Variants in MCPH1 observed in about 807,000 individuals in gnomAD.
The protein encoded by MCPH1 is microcephalin.
MCPH1 carries 104 observed loss-of-function variants against 84.5 expected under a neutral mutation model. The observed-to-expected ratio is 1.23, with a 90% CI of 1.05 to 1.45. The LOEUF is 1.45. Among genes scored for constraint, MCPH1 ranks in the 40% most tolerant of loss-of-function variants. MCPH1 has a pLI of 0.00. For synonymous variants in MCPH1, 514 were observed against 366.8 expected, an observed-to-expected ratio of 1.40 and a Z score of -4.58; for missense variants, 1,498 against 1,005.7, an observed-to-expected ratio of 1.49 and a Z score of -6.62.
chr8:6,558,470 C>T (rs548840978), intron 12 of MCPH1, among the ~76,000 whole-genome samples: 3 of 152,236 alleles, frequency 2.0e-5, no homozygotes, highest in African/African-American at 7.2e-5. Flanking sequence ...AAAATAAGCA[C>T]CCCAGACCAT....
At chr8:6,583,630 G>C (rs1037516730) in intron 12 of MCPH1, among the ~76,000 whole-genome samples, 1 of 152,186 alleles carries the variant, frequency 6.6e-6, no homozygotes, top group Non-Finnish European at 1.5e-5. Context: ...CAAGGGAGGA[G>C]CTGGCCTGGA....
At chr8:6,537,283 C>T (rs1005095991) in intron 12 of MCPH1, among the ~76,000 whole-genome samples, 2 of 151,994 alleles carry the variant, frequency 1.3e-5, no homozygotes, top group African/African-American at 4.8e-5. Context: ...TATATGTGTG[C>T]GAGGACAGTG....
chr8:6,438,108 C>G (rs1802946680), intron 5 of MCPH1, among the ~76,000 whole-genome samples: 2 of 152,216 alleles, frequency 1.3e-5, no homozygotes, highest in Admixed American at 1.3e-4. Flanking sequence ...ATTGCACACT[C>G]TCCTATAATT....
rs187653817 is a variant in MCPH1, at chr8:6,635,992, G to C, written c.2453-7002G>C. The stretch of plus-strand genomic sequence containing the variant: ...GGCATGTCTTATTTTTTACTGTGAA[G>C]TACTTATGTGTGAATAAGTGTAAGG... On this transcript the variant is annotated intron_variant, in intron 13 of 13. Coordinates refer to ENST00000344683, the MANE Select transcript of MCPH1 (RefSeq NM_024596.5). Among the ~76,000 whole-genome samples the C allele has an allele frequency of 5.7e-4, 87 of 152,342 alleles. No individual in the cohort carries two copies. In the East Asian group the frequency reaches 0.012, roughly 22 times the overall value.
intron 12 of MCPH1, 79 bp downstream of exon 12, chr8:6,500,008 A>T: frequency 2.4e-6 from 3 of 1,251,746 alleles, no homozygotes; most frequent in Non-Finnish European, 3.5e-6. Context: ...GGGTGGACTT[A>T]AGTTTTTATC....
intron 12 of MCPH1, among the ~76,000 whole-genome samples, chr8:6,559,811 A>C (rs1187000946): frequency 6.6e-6 from 1 of 152,208 alleles, no homozygotes; most frequent in East Asian, 1.9e-4. Flanking sequence ...GAGACGTAGC[A>C]TGAGTAGTGT....
intron 12 of MCPH1, among the ~76,000 whole-genome samples, chr8:6,602,469 C>G (rs1829448695): frequency 2.0e-5 from 3 of 152,170 alleles, no homozygotes; most frequent in South Asian, 2.1e-4. Flanking sequence ...CCCAGCCTCT[C>G]TGGGGAGAAT....
At chr8:6,599,480 G>A (rs545853225) in intron 12 of MCPH1, among the ~76,000 whole-genome samples, 1 of 152,308 alleles carries the variant, frequency 6.6e-6, no homozygotes, top group South Asian at 2.1e-4. Context: ...ACTTTAATTA[G>A]AATGTTTCTA....
chr8:6,593,707 G>C (rs1286324963), intron 12 of MCPH1, among the ~76,000 whole-genome samples: 2 of 152,100 alleles, frequency 1.3e-5, no homozygotes, highest in African/African-American at 4.8e-5. Context: ...TGCGGTCTTA[G>C]GCACCCTTAT....
At chr8:6,637,334 G>C (rs1329918584) in intron 13 of MCPH1, among the ~76,000 whole-genome samples, 1 of 152,214 alleles carries the variant, frequency 6.6e-6, no homozygotes, top group Non-Finnish European at 1.5e-5. Flanking sequence ...TTGCAGGTGA[G>C]TGGCATTTGA....
At chr8:6,555,655 G>T (rs535532809) in intron 12 of MCPH1, among the ~76,000 whole-genome samples, 17 of 152,044 alleles carry the variant, frequency 1.1e-4, no homozygotes, top group Middle Eastern at 6.8e-3. Context: ...TAGAGACGGG[G>T]TTTCATCGTG....
chr8:6,535,664 A>C (rs1820353150), intron 12 of MCPH1, among the ~76,000 whole-genome samples: 1 of 152,240 alleles, frequency 6.6e-6, no homozygotes, highest in Non-Finnish European at 1.5e-5. Context: ...TCTGTGTGAT[A>C]CTGACTGCAT....
chr8:6,490,234 C>A (rs1441484489), intron 11 of MCPH1, among the ~76,000 whole-genome samples: 1 of 152,248 alleles, frequency 6.6e-6, no homozygotes, highest in Non-Finnish European at 1.5e-5. Flanking sequence ...ACATCTCAAT[C>A]ACACAGTTCT....
chr8:6,597,445 G>A (rs1016031512), intron 12 of MCPH1, among the ~76,000 whole-genome samples: 2 of 152,168 alleles, frequency 1.3e-5, no homozygotes, highest in African/African-American at 4.8e-5. Context: ...CTTGTAAGAT[G>A]AATTTTATGT....
chr8:6,481,537 A>G lies in MCPH1; in HGVS notation c.2136+661A>G, dbSNP rs78831060. Among the ~76,000 whole-genome samples, 986 of 152,314 alleles carry G rather than the reference A, an allele frequency of 6.5e-3. 12 individuals carry two copies. Among genetic ancestry groups the G allele is most frequent in the African/African-American group, 0.023 (950 of 41,564 alleles). Reference sequence around the variant, plus strand: ...AGCATCACTTGTTACGTATGTTACCATTCTGCATCTGTGGTATCCGTCTTC... The same window carrying G: ...AGCATCACTTGTTACGTATGTTACCGTTCTGCATCTGTGGTATCCGTCTTC... On this transcript the variant is annotated intron_variant, in intron 11 of 13. Coordinates refer to ENST00000344683, the MANE Select transcript of MCPH1 (RefSeq NM_024596.5).
chr8:6,412,070 C>A (rs11985850), intron 2 of MCPH1, among the ~76,000 whole-genome samples: 21,155 of 152,096 alleles, frequency 0.14, 3,435 homozygotes, highest in African/African-American at 0.39. Flanking sequence ...AGGCGCTCAC[C>A]ACCAGGCAAA....
chr8:6,474,552 A>T (rs1430409805), intron 9 of MCPH1, among the ~76,000 whole-genome samples: 2 of 152,240 alleles, frequency 1.3e-5, no homozygotes, highest in Non-Finnish European at 2.9e-5. Context: ...AATTTAAAAA[A>T]TTATTGTTAA....
intron 12 of MCPH1, among the ~76,000 whole-genome samples, chr8:6,575,509 G>C (rs1827002864): frequency 6.6e-6 from 1 of 152,222 alleles, no homozygotes. Flanking sequence ...AATGTTGCAA[G>C]TGACTAAAAA....
At chr8:6,609,116 A>G (rs1297718409) in intron 12 of MCPH1, among the ~76,000 whole-genome samples, 1 of 152,128 alleles carries the variant, frequency 6.6e-6, no homozygotes, top group East Asian at 1.9e-4. Context: ...TATGCCACCT[A>G]TCAGACCATT....
Sources: gnomAD v4.1 joint callset for allele counts (sites outside exome capture counted in the v4.1 genomes callset) on GRCh38, gnomAD v4.1.1 for gene constraint, MANE v1.5 for transcripts, NCBI Gene and HGNC (gene_info 2026-07-23, HGNC 2026-07-21) for gene names.